The following C14orf93 variants were observed in gnomAD, a reference collection of about 807,000 sequenced individuals.
C14orf93 encodes the protein uncharacterized protein C14orf93.
In C14orf93, 23 loss-of-function variants were observed where a neutral mutation model predicts 44.0. That is an observed-to-expected ratio of 0.52 (90% CI 0.38 to 0.74). C14orf93 has a LOEUF of 0.74. C14orf93 is among the 30% of genes least tolerant of loss of function. The pLI is 0.00. For missense variants in C14orf93, 579 were observed against 678.9 expected (o/e 0.85, Z 1.64); for synonymous variants, 253 against 265.7 (o/e 0.95, Z 0.46).
chr14:23,006,091 C>T (rs1336868132), intron 1 of C14orf93: 1 of 152,196 alleles, frequency 6.6e-6, no homozygotes, highest in African/African-American at 2.4e-5. Context: ...TAGCAATAGA[C>T]TTCCTTAAAT....
chr14:22,995,917 AG>A, intron 3 of C14orf93, 30 bp downstream of exon 3: 1 of 1,530,626 alleles, frequency 6.5e-7, no homozygotes, highest in Non-Finnish European at 8.8e-7. Context: ...TCCAGACTGA[AG>A]AAAAATTTAT....
rs1276662855 is a variant in C14orf93, at chr14:22,987,830, A to G, written c.1197+73T>C. 5.2e-6 allele frequency: 7 copies of G among 1,335,878 alleles called. No homozygotes were observed. The highest frequency in any genetic ancestry group is 1.5e-5 in the African/African-American group (1 of 68,374). 82.8% of individuals were successfully genotyped at this position (1,335,878 alleles called of 1,614,324 possible). On this transcript the variant is annotated intron_variant, in intron 6 of 6. Coordinates refer to ENST00000299088, the MANE Select transcript of C14orf93 (RefSeq NM_021944.4). This position sits in a 1 kb window ranked among gnomAD's most constrained non-coding sequence, Gnocchi z 5.6. ...GCTCTCAACCCTATTCTCATATGCC[A>G]TGTCCTCTGGCCCTTCCCACTTAGG...
In C14orf93 at chr14:22,996,269, C is replaced by G; in HGVS notation, c.598-1G>C. On this transcript the variant is annotated splice_acceptor_variant, in intron 2 of 6. Coordinates refer to ENST00000299088, the MANE Select transcript of C14orf93 (RefSeq NM_021944.4). LOFTEE classifies it high-confidence loss of function. This position sits in a 1 kb window ranked among gnomAD's most constrained non-coding sequence, Gnocchi z 4.1. The stretch of plus-strand genomic sequence containing the variant: ...CAGAGGCCACGTAATCATCCACCAG[C>G]TAAGAACATAAAAAATAATAGCCTA... 1 of 1,535,276 alleles carries G rather than the reference C, an allele frequency of 6.5e-7. No homozygotes were observed. The highest frequency in any genetic ancestry group is 8.8e-7 in the Non-Finnish European group (1 of 1,137,568).
At position 22,996,974 on chromosome 14, in the gene C14orf93, C is replaced by A. The variant is rs1353378920; in HGVS notation, c.598-706G>T. ...ACAAAATACTGAAAGTGGGGACACA[C>A]ACGCACACGCACACACACACACACA... On this transcript the variant is annotated intron_variant, in intron 2 of 6. Coordinates refer to ENST00000299088, the MANE Select transcript of C14orf93 (RefSeq NM_021944.4). This position sits in a 1 kb window ranked among gnomAD's most constrained non-coding sequence, Gnocchi z 4.1. 9.2e-6 allele frequency among the ~76,000 whole-genome samples: 1 copy of A among 108,822 alleles called. No homozygotes were observed. Among genetic ancestry groups the A allele is most frequent in the Non-Finnish European group, 1.8e-5 (1 of 54,954 alleles). The allele number at this position is 108,822 out of a possible 152,430, so 71.4% of individuals were successfully genotyped here.
chr14:22,987,861 GT>G lies in C14orf93; in HGVS notation c.1197+41del, dbSNP rs755896646. ...TCTGGCCCTTCCCACTTAGGAAAGG[GT>G]TTAGAGTTTAGTATCTTGAAAGAAA... On this transcript the variant is annotated intron_variant, in intron 6 of 6. Transcript: ENST00000299088. This position sits in a 1 kb window ranked among gnomAD's most constrained non-coding sequence, Gnocchi z 5.6. 6.6e-7 allele frequency: 1 copy of G among 1,512,160 alleles called. No homozygotes were observed. The highest frequency in any genetic ancestry group is 1.4e-5 in the African/African-American group (1 of 72,474). The allele number at this position is 1,512,160 out of a possible 1,614,324, so 93.7% of individuals were successfully genotyped here.
intron 1 of C14orf93, among the ~76,000 whole-genome samples, chr14:23,003,899 T>TATATATATATATATA (rs1491160474): frequency 2.0e-4 from 2 of 9,912 alleles, no homozygotes; most frequent in South Asian, 5.8e-3. Context: ...TATATATATA[T>TATATATATATATATA]TTTTTTTTTT....
At chr14:22,988,588 C>A (rs1230085020) in intron 5 of C14orf93, among the ~76,000 whole-genome samples, 4 of 152,142 alleles carry the variant, frequency 2.6e-5, no homozygotes, top group African/African-American at 9.7e-5. Flanking sequence ...ACTGCAGCCT[C>A]CAACTCCTGG....
chr14:22,993,024 C>T (rs182278607), intron 3 of C14orf93, among the ~76,000 whole-genome samples: 23 of 152,036 alleles, frequency 1.5e-4, no homozygotes, highest in African/African-American at 3.6e-4. Context: ...GGATTACAGG[C>T]GCACGCCACC....
chr14:22,994,975 C>G (rs1396340474), intron 3 of C14orf93, among the ~76,000 whole-genome samples: 1 of 152,164 alleles, frequency 6.6e-6, no homozygotes. Context: ...CCAGATGTTT[C>G]CAAATGTCTC....
chr14:22,993,066 G>C (rs1159162272), intron 3 of C14orf93, among the ~76,000 whole-genome samples: 5 of 152,214 alleles, frequency 3.3e-5, no homozygotes, highest in Non-Finnish European at 5.9e-5. Flanking sequence ...CTTTAGTAGA[G>C]ACGTGGTTTC....
chr14:22,987,715 G>A lies in C14orf93; in HGVS notation c.1198-81C>T. On this transcript the variant is annotated intron_variant, in intron 6 of 6. Transcript: ENST00000299088. The surrounding 1 kb of genome is among the most constrained non-coding windows in gnomAD (Gnocchi z 5.6). ...TTGGGGAAAAGGTTTGGTGGGGAAG[G>A]CTGTGTAAAATCTGTGCCTAAGTGA... is the stretch of plus-strand genomic sequence containing the variant. The A allele has an allele frequency of 5.5e-6, 8 of 1,442,706 alleles. No homozygotes were observed. The South Asian group carries it at 8.3e-5, about 15-fold the overall frequency. 89.4% of individuals were successfully genotyped at this position (1,442,706 alleles called of 1,614,324 possible). A position where few individuals can be genotyped will look rare whatever the true frequency, so the allele number is the denominator to read the frequency against.
At chr14:23,009,621 T>G (rs1328191922) in intron 1 of C14orf93, among the ~76,000 whole-genome samples, 2 of 148,770 alleles carry the variant, frequency 1.3e-5, no homozygotes, top group African/African-American at 5.1e-5. Flanking sequence ...CTTGGACAAG[T>G]GCCACATCCC....
At chr14:23,008,154 C>CAAA (rs55936083) in intron 1 of C14orf93, among the ~76,000 whole-genome samples, 6 of 85,056 alleles carry the variant, frequency 7.1e-5, no homozygotes, top group Non-Finnish European at 1.4e-4. Context: ...AACTCCGTTT[C>CAAA]AAAAAAAAAA....
intron 1 of C14orf93, among the ~76,000 whole-genome samples, chr14:23,000,609 G>A (rs1012747565): frequency 3.3e-5 from 5 of 151,284 alleles, no homozygotes; most frequent in Non-Finnish European, 7.4e-5. Context: ...CCAGCTACTC[G>A]GGAGGTTGAG....
Position 22,995,886 on chromosome 14 carries a change from C to G in C14orf93, c.918+62G>C. 2.0e-6 allele frequency: 3 copies of G among 1,464,504 alleles called. No homozygotes were observed. The South Asian group carries it at 4.1e-5, about 20-fold the overall frequency. 90.7% of individuals were successfully genotyped at this position (1,464,504 alleles called of 1,614,324 possible). On this transcript the variant is annotated intron_variant, in intron 3 of 6. Transcript: ENST00000299088. Reference sequence around the variant, plus strand: ...TATGGGAGGCCTAAAATCAACCCACCCATCACTCTTCACTTATCTCTCCAG... The same window carrying G: ...TATGGGAGGCCTAAAATCAACCCACGCATCACTCTTCACTTATCTCTCCAG...
chr14:22,998,467 C>T lies in C14orf93; in HGVS notation c.557G>A (p.Cys186Tyr), dbSNP rs746926401. The change falls in exon 2 of 7, where the codon TGC becomes TAC. Residue 186 changes from cysteine (C) to tyrosine (Y), a missense_variant. Coordinates refer to ENST00000299088, the MANE Select transcript of C14orf93 (RefSeq NM_021944.4). ...ATQRDMRLPG[C>Y]TLAASEAAPL... ...GGCCGCCTCGCTGGCAGCCAGCGTG[C>T]ACCCTGGGAGCCGCATGTCCCTCTG... 3.1e-5 allele frequency: 49 copies of T among 1,604,268 alleles called. No homozygotes were observed. In the Middle Eastern group the frequency reaches 1.3e-3, roughly 43 times the overall value.
intron 1 of C14orf93, among the ~76,000 whole-genome samples, chr14:23,001,628 C>T (rs2046301312): frequency 6.6e-6 from 1 of 151,818 alleles, no homozygotes; most frequent in Admixed American, 6.6e-5. Context: ...CCACATATGG[C>T]TAATTTTTAT....
At chr14:23,004,716 C>T (rs1474579662) in intron 1 of C14orf93, among the ~76,000 whole-genome samples, 2 of 151,786 alleles carry the variant, frequency 1.3e-5, no homozygotes, top group Non-Finnish European at 2.9e-5. Flanking sequence ...GTCAGGAGTT[C>T]GAGACCAGCC....
At chr14:23,008,154 CA>C (rs55936083) in intron 1 of C14orf93, among the ~76,000 whole-genome samples, 3,311 of 84,316 alleles carry the variant, frequency 0.039, 29 homozygotes, top group African/African-American at 0.083. Flanking sequence ...AACTCCGTTT[CA>C]AAAAAAAAAA....
Sources: gnomAD v4.1 joint callset for allele counts (sites outside exome capture counted in the v4.1 genomes callset) on GRCh38, gnomAD v4.1.1 for gene constraint, Gnocchi (gnomAD v3.1) non-coding constraint, MANE v1.5 for transcripts, NCBI Gene and HGNC (gene_info 2026-07-23, HGNC 2026-07-21) for gene names.